Variants in BNC2 observed in about 807,000 individuals in gnomAD.
The protein encoded by BNC2 is basonuclin zinc finger protein 2.
BNC2 carries 20 observed loss-of-function variants against 76.3 expected under a neutral mutation model. The observed-to-expected ratio is 0.26, with a 90% CI of 0.18 to 0.38. BNC2 has a LOEUF of 0.38. Among genes scored for constraint, BNC2 ranks in the 10% least tolerant of loss-of-function variants. BNC2 has a pLI of 1.00. For missense variants in BNC2, 1,382 were observed against 1,399.8 expected (o/e 0.99, Z 0.20); for synonymous variants, 582 against 514.8 (o/e 1.13, Z -1.77).
chr9:16,500,323 T>C (rs746488214), intron 5 of BNC2, among the ~76,000 whole-genome samples: 25 of 152,288 alleles, frequency 1.6e-4, no homozygotes, highest in Non-Finnish European at 2.8e-4. Flanking sequence ...TCCAATTCAT[T>C]TGACTTCTTG....
At chr9:16,830,709 T>C (rs1210528268) in intron 1 of BNC2, among the ~76,000 whole-genome samples, 1 of 152,246 alleles carries the variant, frequency 6.6e-6, no homozygotes, top group African/African-American at 2.4e-5. Flanking sequence ...AAAACTCATT[T>C]AGTGACTCAG....
At chr9:16,579,521 G>A (rs1047360837) in intron 4 of BNC2, among the ~76,000 whole-genome samples, 6 of 152,072 alleles carry the variant, frequency 3.9e-5, no homozygotes, top group Admixed American at 1.3e-4. Context: ...GGGCTCAAGC[G>A]ATCCACCTGT....
At chr9:16,811,833 G>T (rs1818063820) in intron 1 of BNC2, among the ~76,000 whole-genome samples, 1 of 152,190 alleles carries the variant, frequency 6.6e-6, no homozygotes, top group South Asian at 2.1e-4. Context: ...ACATTGGTGG[G>T]CCTGATGGTT....
chr9:16,819,665 AG>A (rs1323927108), intron 1 of BNC2, among the ~76,000 whole-genome samples: 2 of 152,102 alleles, frequency 1.3e-5, no homozygotes, highest in Non-Finnish European at 2.9e-5. Context: ...TCAAAAAAAA[AG>A]AAATATGCAG....
chr9:16,664,957 T>G (rs967457642), intron 3 of BNC2: 3 of 315,824 alleles, frequency 9.5e-6, no homozygotes, highest in Non-Finnish European at 1.8e-5. Context: ...AGGCAGGTTA[T>G]AGGCAGCATT....
At chr9:16,754,116 T>C (rs1344196818) in intron 1 of BNC2, among the ~76,000 whole-genome samples, 1 of 152,246 alleles carries the variant, frequency 6.6e-6, no homozygotes. Context: ...CAGAACTGTC[T>C]AAGATAAACT....
intron 5 of BNC2, among the ~76,000 whole-genome samples, chr9:16,497,734 AG>A (rs1321484283): frequency 1.3e-5 from 2 of 152,186 alleles, no homozygotes; most frequent in Non-Finnish European, 2.9e-5. Context: ...GAATTAACCA[AG>A]TAAAAAGGTT....
At chr9:16,852,358 G>C (rs1231039606) in intron 1 of BNC2, among the ~76,000 whole-genome samples, 1 of 152,134 alleles carries the variant, frequency 6.6e-6, no homozygotes, top group Non-Finnish European at 1.5e-5. Context: ...TTCCAACTGA[G>C]CTAAGCATAA....
chr9:16,625,638 T>C (rs1820973257), intron 3 of BNC2: 1 of 152,160 alleles, frequency 6.6e-6, no homozygotes, highest in South Asian at 2.1e-4. Flanking sequence ...GAAAAGAGGT[T>C]ACAAAGATAA....
intron 1 of BNC2, among the ~76,000 whole-genome samples, chr9:16,781,560 C>T (rs1041061121): frequency 2.0e-5 from 3 of 152,242 alleles, no homozygotes; most frequent in Non-Finnish European, 4.4e-5. Flanking sequence ...CCATGCTGGT[C>T]GCGAACTCCT....
chr9:16,548,950 G>C (rs1818572888), intron 5 of BNC2, among the ~76,000 whole-genome samples: 2 of 152,150 alleles, frequency 1.3e-5, no homozygotes, highest in African/African-American at 4.8e-5. Flanking sequence ...GCTAGCTTGT[G>C]AATTATATAG....
chr9:16,471,944 A>G (rs1200230660), intron 5 of BNC2, among the ~76,000 whole-genome samples: 1 of 152,148 alleles, frequency 6.6e-6, no homozygotes, highest in Admixed American at 6.6e-5. Flanking sequence ...TGGGTTTATC[A>G]GGGCTTTCTG....
intron 5 of BNC2, among the ~76,000 whole-genome samples, chr9:16,441,949 C>A (rs1018406798): frequency 6.6e-6 from 1 of 152,116 alleles, no homozygotes; most frequent in Non-Finnish European, 1.5e-5. Context: ...TCCCAACTAC[C>A]GACCAACTCA....
chr9:16,755,384 A>G (rs1425863639), intron 1 of BNC2, among the ~76,000 whole-genome samples: 1 of 152,132 alleles, frequency 6.6e-6, no homozygotes, highest in African/African-American at 2.4e-5. Context: ...AAAGGGCAGG[A>G]GTCTAGATTA....
chr9:16,482,797 T>C (rs774048373), intron 5 of BNC2, among the ~76,000 whole-genome samples: 1 of 152,180 alleles, frequency 6.6e-6, no homozygotes, highest in Non-Finnish European at 1.5e-5. Context: ...CAGGACTCTC[T>C]GGACCAGACT....
intron 1 of BNC2, among the ~76,000 whole-genome samples, chr9:16,829,687 G>C (rs550099731): frequency 6.6e-6 from 1 of 152,118 alleles, no homozygotes; most frequent in Admixed American, 6.6e-5. Flanking sequence ...TTAACGCACA[G>C]TAGGCACTTG....
chr9:16,500,213 C>A (rs887057046), intron 5 of BNC2, among the ~76,000 whole-genome samples: 28 of 152,080 alleles, frequency 1.8e-4, no homozygotes, highest in African/African-American at 6.0e-4. Context: ...CAGAATCCTA[C>A]CCATCCACCA....
chr9:16,410,397 C>T lies in BNC2; in HGVS notation c.*8592G>A, dbSNP rs989406958. Reference sequence around the variant, plus strand: ...GGTCGTCTCAAGCCCAAGTCTTCTCCCCATTTCTCGACCGTCCTCACCCCT... The same window carrying T: ...GGTCGTCTCAAGCCCAAGTCTTCTCTCCATTTCTCGACCGTCCTCACCCCT... On this transcript the variant is annotated 3_prime_UTR_variant, in exon 7 of 7. Transcript: ENST00000380672. The T allele has an allele frequency of 9.8e-5, 15 of 152,778 alleles. No individual in the cohort carries two copies. Among genetic ancestry groups the T allele is most frequent in the Admixed American group, 2.0e-4 (3 of 15,300 alleles). The allele number at this position is 152,778 out of a possible 1,614,324, so 9.5% of individuals were successfully genotyped here.
intron 5 of BNC2, among the ~76,000 whole-genome samples, chr9:16,492,045 T>C (rs868550297): frequency 2.6e-5 from 4 of 152,152 alleles, no homozygotes; most frequent in East Asian, 1.9e-4. Context: ...TGAAATATTA[T>C]AAAAACCAGT....
Sources: gnomAD v4.1 joint callset for allele counts (sites outside exome capture counted in the v4.1 genomes callset) on GRCh38, gnomAD v4.1.1 for gene constraint, MANE v1.5 for transcripts, NCBI Gene and HGNC (gene_info 2026-07-23, HGNC 2026-07-21) for gene names.